TACR1: variants seen among roughly 807,000 people sequenced by gnomAD.
TACR1 encodes the protein substance-P receptor.
TACR1 carries 25 observed loss-of-function variants against 35.8 expected under a neutral mutation model. The observed-to-expected ratio is 0.70, with a 90% CI of 0.51 to 0.98. The LOEUF (loss-of-function observed/expected upper bound fraction) is 0.98, where lower values mean the gene tolerates loss of function less well. Among genes scored for constraint, TACR1 ranks in the 50% least tolerant of loss-of-function variants. The pLI, the probability that TACR1 is intolerant of heterozygous loss-of-function variation, is 0.00. For synonymous variants in TACR1, 195 were observed against 206.7 expected (o/e 0.94, Z 0.48); for missense variants, 478 against 522.9 (o/e 0.91, Z 0.84).
chr2:75,160,286 G>A (rs1224958509), intron 1 of TACR1, among the ~76,000 whole-genome samples: 4 of 151,712 alleles, frequency 2.6e-5, no homozygotes, highest in Non-Finnish European at 2.9e-5. Flanking sequence ...TTATGAGTAC[G>A]TATTATAAAA....
intron 2 of TACR1, among the ~76,000 whole-genome samples, chr2:75,083,007 A>G (rs547107643): frequency 6.6e-6 from 1 of 152,234 alleles, no homozygotes; most frequent in East Asian, 1.9e-4. Context: ...GCCCATGCCT[A>G]TGTCCTGAAT....
intron 2 of TACR1, among the ~76,000 whole-genome samples, chr2:75,094,859 A>ATATATATATATATATATATATATATATT: frequency 2.7e-5 from 3 of 113,132 alleles, no homozygotes; most frequent in African/African-American, 9.6e-5. Context: ...ATATATATAT[A>ATATATATATATATATATATATATATATT]TTTTTTTTTT....
Position 75,149,921 on chromosome 2 carries a change from C to T in TACR1, c.390-29153G>A, listed in dbSNP as rs375300744. Among the ~76,000 whole-genome samples the T allele has an allele frequency of 2.3e-4, 35 of 152,192 alleles. No homozygotes were observed. In the East Asian group the frequency reaches 2.9e-3, roughly 13 times the overall value. On this transcript the variant is annotated intron_variant, in intron 1 of 4. Transcript: ENST00000305249. ...TATTTTGAGATATGTTCCGTCAATA[C>T]CTAGTTTATTGAGAGTTTTTAAGCA...
chr2:75,101,063 A>G (rs1043946799), intron 2 of TACR1, among the ~76,000 whole-genome samples: 1 of 152,166 alleles, frequency 6.6e-6, no homozygotes, highest in Non-Finnish European at 1.5e-5. Context: ...AAGAATGATG[A>G]ATAACATGTT....
intron 2 of TACR1, among the ~76,000 whole-genome samples, chr2:75,112,625 T>C (rs1005326177): frequency 2.0e-5 from 3 of 152,138 alleles, no homozygotes; most frequent in Non-Finnish European, 2.9e-5. Flanking sequence ...TTTCACTTTT[T>C]TTTTGAAAAG....
chr2:75,058,543 G>C (rs373161900), intron 2 of TACR1, among the ~76,000 whole-genome samples: 2 of 152,348 alleles, frequency 1.3e-5, no homozygotes, highest in African/African-American at 4.8e-5. Context: ...CAACAGAAGA[G>C]ACTGGCTGAC....
At chr2:75,072,371 A>G (rs532711776) in intron 2 of TACR1, among the ~76,000 whole-genome samples, 3 of 152,318 alleles carry the variant, frequency 2.0e-5, no homozygotes, top group East Asian at 1.9e-4. Flanking sequence ...CATAATCAAT[A>G]TGGCCACAAC....
At chr2:75,049,745 A>G in intron 4 of TACR1, 22 bp from the exon 5 acceptor site, 1 of 1,603,916 alleles carries the variant, frequency 6.2e-7, no homozygotes, top group Non-Finnish European at 8.5e-7. Context: ...GCAGATGAAG[A>G]GGTGACCCTT....
At chr2:75,056,014 C>T (rs1672562418) in intron 2 of TACR1, among the ~76,000 whole-genome samples, 1 of 152,226 alleles carries the variant, frequency 6.6e-6, no homozygotes, top group Non-Finnish European at 1.5e-5. Flanking sequence ...GGTATTCATT[C>T]AATTGACTTG....
At chr2:75,116,919 A>C (rs1673874694) in intron 2 of TACR1, among the ~76,000 whole-genome samples, 1 of 152,222 alleles carries the variant, frequency 6.6e-6, no homozygotes, top group African/African-American at 2.4e-5. Flanking sequence ...TCAAAAAAAA[A>C]AAAGTATTTT....
intron 3 of TACR1, among the ~76,000 whole-genome samples, chr2:75,052,214 AAT>A (rs1672483204): frequency 6.6e-6 from 1 of 152,128 alleles, no homozygotes; most frequent in South Asian, 2.1e-4. Flanking sequence ...TCATCAATTA[AAT>A]TAGTGCCCTT....
chr2:75,158,961 G>A (rs1674935467), intron 1 of TACR1, among the ~76,000 whole-genome samples: 1 of 152,120 alleles, frequency 6.6e-6, no homozygotes. Context: ...ACCAACTTTG[G>A]AAGACTGTTG....
intron 2 of TACR1, chr2:75,118,981 A>T (rs1241316987): frequency 6.6e-6 from 1 of 152,224 alleles, no homozygotes; most frequent in African/African-American, 2.4e-5. Context: ...CTGAGCATTA[A>T]TCCCTCCATT....
chr2:75,138,541 G>T (rs1009509807), intron 1 of TACR1, among the ~76,000 whole-genome samples: 1 of 152,134 alleles, frequency 6.6e-6, no homozygotes, highest in Non-Finnish European at 1.5e-5. Context: ...GGAAATGTTT[G>T]AACAGGCCCA....
chr2:75,186,346 T>TGG (rs1675697494), intron 1 of TACR1, among the ~76,000 whole-genome samples: 1 of 120,576 alleles, frequency 8.3e-6, no homozygotes, highest in Non-Finnish European at 1.6e-5. Flanking sequence ...TACTCCACCC[T>TGG]GGGCAACACA....
intron 1 of TACR1, among the ~76,000 whole-genome samples, chr2:75,133,593 G>T (rs1674220683): frequency 6.6e-6 from 1 of 152,166 alleles, no homozygotes; most frequent in South Asian, 2.1e-4. Context: ...AAGTGCTGGG[G>T]CTGGGTTTAA....
At chr2:75,086,451 G>A (rs1300252110) in intron 2 of TACR1, among the ~76,000 whole-genome samples, 4 of 152,170 alleles carry the variant, frequency 2.6e-5, no homozygotes, top group Middle Eastern at 3.2e-3. Flanking sequence ...AGGTCCAAGT[G>A]CAGTACTTGG....
chr2:75,128,930 G>A (rs959237885), intron 1 of TACR1, among the ~76,000 whole-genome samples: 4 of 152,074 alleles, frequency 2.6e-5, no homozygotes, highest in African/African-American at 9.7e-5. Flanking sequence ...GATGCTACTG[G>A]GACAAACTAG....
chr2:75,069,736 T>A (rs1181826575), intron 2 of TACR1, among the ~76,000 whole-genome samples: 1 of 152,210 alleles, frequency 6.6e-6, no homozygotes, highest in East Asian at 1.9e-4. Flanking sequence ...TATCTGGAAT[T>A]TGTCTGATGT....
Sources: allele counts gnomAD v4.1 joint callset (sites outside exome capture counted in the v4.1 genomes callset), GRCh38; gene constraint gnomAD v4.1.1; transcripts MANE v1.5; gene names NCBI Gene and HGNC (gene_info 2026-07-23, HGNC 2026-07-21).